Variants in RRP12 observed in about 807,000 individuals in gnomAD.
RRP12 encodes the protein ribosomal RNA processing 12 homolog.
A neutral mutation model predicts 157.3 loss-of-function variants in RRP12; 78 were observed. The observed-to-expected ratio is 0.50, with a 90% confidence interval of 0.41 to 0.60. RRP12 has a LOEUF of 0.60. Ranked by LOEUF, RRP12 falls within the 20% of genes least tolerant of loss-of-function variation. The pLI is 0.00. For missense variants in RRP12, 1,521 were observed against 1,679.9 expected (o/e 0.91, Z 1.65); for synonymous variants, 726 against 670.9 (o/e 1.08, Z -1.27).
intron 1 of RRP12, 138 bp from the exon 2 acceptor site, chr10:97,400,672 C>T (rs1351724492): frequency 3.0e-6 from 2 of 666,626 alleles, no homozygotes; most frequent in African/African-American, 3.6e-5. Flanking sequence ...TCTCATAAAA[C>T]CACTGTATGC....
In RRP12 at chr10:97,388,357, C is replaced by G. The variant is rs199834765; in HGVS notation, c.912G>C (p.Thr304=). 2 of 1,613,928 alleles carry G rather than the reference C, an allele frequency of 1.2e-6. No individual in the cohort carries two copies. ...CCTTCAGCAGCGTCAGCATGTGCAG[C>G]GTGGTGGTGGCCTCCTTGGAGCCTG... is the stretch of plus-strand genomic sequence containing the variant. ...KSGGSKEATT[T]LHMLTLLKDL... Residue 304 remains threonine (T), a synonymous_variant, in exon 8 of 34, where the codon ACG becomes ACC. Coordinates refer to ENST00000370992, the MANE Select transcript of RRP12 (RefSeq NM_015179.4).
At chr10:97,382,031 T>G (rs1844482317) in intron 10 of RRP12, among the ~76,000 whole-genome samples, 2 of 152,150 alleles carry the variant, frequency 1.3e-5, no homozygotes, top group African/African-American at 2.4e-5. Context: ...TTCAAACAGG[T>G]CTTCAAGGTG....
At chr10:97,387,767 C>T (rs898076417) in intron 8 of RRP12, among the ~76,000 whole-genome samples, 1 of 151,690 alleles carries the variant, frequency 6.6e-6, no homozygotes, top group Non-Finnish European at 1.5e-5. Context: ...ATGGAGAAAC[C>T]CCATCTCTAC....
intron 2 of RRP12, among the ~76,000 whole-genome samples, chr10:97,397,558 A>G (rs1305081859): frequency 6.6e-6 from 1 of 152,166 alleles, no homozygotes; most frequent in Non-Finnish European, 1.5e-5. Context: ...ATCATTATAT[A>G]ATAATGAAAA....
chr10:97,362,340 A>G (rs1843867071), intron 30 of RRP12, among the ~76,000 whole-genome samples: 1 of 152,206 alleles, frequency 6.6e-6, no homozygotes, highest in African/African-American at 2.4e-5. Context: ...CTGCAAAGCC[A>G]CATGTGAAGA....
chr10:97,369,497 A>G lies in RRP12; in HGVS notation c.2883T>C (p.Ser961=), dbSNP rs1488497786. The G allele has an allele frequency of 6.2e-7, 1 of 1,609,474 alleles. No individual in the cohort carries two copies. The highest frequency in any genetic ancestry group is 1.7e-5 in the Admixed American group (1 of 59,280). The stretch of plus-strand genomic sequence containing the variant: ...CTGCCACCTTGATGAAGCCCAGTGC[A>G]GACTTGACCACGTCACGGGTGCGGG... ...LASRTRDVVK[S]ALGFIKVAVT... Residue 961 remains serine (S), a synonymous_variant, in exon 25 of 34, where the codon TCT becomes TCC. Transcript: ENST00000370992.
In RRP12 at chr10:97,390,552, C is replaced by A. The variant is rs556573301; in HGVS notation, c.637-13G>T. On this transcript the variant is annotated splice_polypyrimidine_tract_variant and intron_variant, in intron 5 of 33. Coordinates refer to ENST00000370992, the MANE Select transcript of RRP12 (RefSeq NM_015179.4). The stretch of plus-strand genomic sequence containing the variant: ...GGCAGGAAAGGACCTGGAAGAAAGT[C>A]AGAGTCCCTCAGTGCCACCAGCCTC... The A allele has an allele frequency of 6.3e-7, 1 of 1,592,680 alleles. No homozygotes were observed. Among genetic ancestry groups the A allele is most frequent in the East Asian group, 2.2e-5 (1 of 44,726 alleles).
chr10:97,390,296 A>G, intron 6 of RRP12, 127 bp downstream of exon 6: 1 of 734,812 alleles, frequency 1.4e-6, no homozygotes, highest in Non-Finnish European at 2.4e-6. Flanking sequence ...GTGCCTCAGA[A>G]GCAGAAAGCA....
intron 27 of RRP12, 27 bp from the exon 28 acceptor site, chr10:97,366,648 G>A (rs1159631287): frequency 5.0e-6 from 8 of 1,603,986 alleles, no homozygotes; most frequent in Non-Finnish European, 6.0e-6. Context: ...CCCAGTCAGA[G>A]TGCTCCCAGG....
chr10:97,370,251 G>A lies in RRP12; in HGVS notation c.2713C>T (p.Leu905=). Residue 905 remains leucine, a synonymous_variant, in exon 24 of 34, where the codon CTG becomes TTG. Transcript: ENST00000370992. ...QEEALQCYLV[L]IYPGLVGAVT... is the part of the protein sequence containing the mutation. The stretch of plus-strand genomic sequence containing the variant: ...GCGCCCACCAGGCCAGGGTAGATCA[G>A]GACGAGGTAGCACTGCAGGGCCTCT... 1 of 1,599,724 alleles carries A rather than the reference G, an allele frequency of 6.3e-7. No individual in the cohort carries two copies. Among genetic ancestry groups the A allele is most frequent in the African/African-American group, 1.3e-5 (1 of 74,908 alleles).
intron 18 of RRP12, 40 bp from the exon 19 acceptor site, chr10:97,372,843 G>C: frequency 6.5e-7 from 1 of 1,540,948 alleles, no homozygotes; most frequent in Non-Finnish European, 8.8e-7. Context: ...GAGTCATTGG[G>C]GAGGAGCGAA....
chr10:97,386,995 AAAAAAG>A (rs1479531315), intron 8 of RRP12, among the ~76,000 whole-genome samples: 5 of 152,106 alleles, frequency 3.3e-5, no homozygotes, highest in African/African-American at 1.2e-4. Context: ...ATCACAAAAA[AAAAAAG>A]AGAGAGAACA....
chr10:97,396,447 C>A (rs1844968028), intron 2 of RRP12, 146 bp from the exon 3 acceptor site: 5 of 638,612 alleles, frequency 7.8e-6, no homozygotes, highest in South Asian at 6.8e-5. Context: ...TAGGTCCATA[C>A]CAGGGGGCCC....
rs1330534490 is a variant in RRP12, at chr10:97,401,041, A to G, written c.139+52T>C. ...AGAGGCCCCAGACTCATCTGGACCC[A>G]GGTCTGCCTGGAACCCCGCCCCCGG... On this transcript the variant is annotated intron_variant, in intron 1 of 33. Coordinates refer to ENST00000370992, the MANE Select transcript of RRP12 (RefSeq NM_015179.4). 1.9e-6 allele frequency: 3 copies of G among 1,596,986 alleles called. No individual in the cohort carries two copies. In the East Asian group the frequency reaches 6.8e-5, roughly 36 times the overall value.
chr10:97,370,313 C>G, intron 23 of RRP12, 39 bp from the exon 24 acceptor site: 1 of 1,498,398 alleles, frequency 6.7e-7, no homozygotes, highest in Non-Finnish European at 9.1e-7. Context: ...CAGGAAGGAC[C>G]CACCAGGTAG....
Position 97,360,417 on chromosome 10 carries a change from C to T in RRP12, c.3640+129G>A, listed in dbSNP as rs537029255. ...TCTTGAGTGTCATATCAGCCAACCT[C>T]TGTTGGTGCCAAGTGAGTGCAACCA... On this transcript the variant is annotated intron_variant, in intron 31 of 33. Coordinates refer to ENST00000370992, the MANE Select transcript of RRP12 (RefSeq NM_015179.4). 1.5e-4 allele frequency: 113 copies of T among 733,824 alleles called. 2 individuals are homozygous for T. The South Asian group carries it at 1.7e-3, about 11-fold the overall frequency. The allele number at this position is 733,824 out of a possible 1,614,324, so 45.5% of individuals were successfully genotyped here. A position where few individuals can be genotyped will look rare whatever the true frequency, so the allele number is the denominator to read the frequency against.
rs370746030 is a variant in RRP12 at position 97,358,924 on chromosome 10, C to T, written c.3708+19G>A. 8 of 1,606,144 alleles carry T rather than the reference C, an allele frequency of 5.0e-6. No homozygotes were observed. In the African/African-American group the frequency reaches 8.0e-5, roughly 16 times the overall value. On this transcript the variant is annotated intron_variant, in intron 32 of 33. Transcript: ENST00000370992. ...CTGTCCAGTGCCAGGAGACCCCATG[C>T]CCTACATGCAGCACTTACCTTGGCC...
rs375738463 is a variant in RRP12 at position 97,375,055 on chromosome 10, A to G, written c.1799-1161T>C. ...GTCTGTTCGACTCACCATCTGCTAA[A>G]CTTGTCTGTCCCTACCTAGTGGTTT... is the stretch of plus-strand genomic sequence containing the variant. On this transcript the variant is annotated intron_variant, in intron 15 of 33. Transcript: ENST00000370992. Among the ~76,000 whole-genome samples, 52 of 152,180 alleles carry G rather than the reference A, an allele frequency of 3.4e-4. No homozygotes were observed. In the South Asian group the frequency reaches 0.011, roughly 32 times the overall value.
chr10:97,377,255 G>A (rs1844334844), intron 15 of RRP12, among the ~76,000 whole-genome samples: 3 of 151,738 alleles, frequency 2.0e-5, no homozygotes, highest in Non-Finnish European at 4.4e-5. Context: ...GGTGGCTCAT[G>A]CCTGTACTCC....
Sources: allele counts gnomAD v4.1 joint callset (sites outside exome capture counted in the v4.1 genomes callset), GRCh38; gene constraint gnomAD v4.1.1; transcripts MANE v1.5; gene names NCBI Gene and HGNC (gene_info 2026-07-23, HGNC 2026-07-21).